Variants in ANKHD1 observed in about 807,000 individuals in gnomAD.
ANKHD1 encodes ankyrin repeat and KH domain containing 1.
A neutral mutation model predicts 230.5 loss-of-function variants in ANKHD1; 31 were observed. The ratio of observed to expected loss-of-function variants is 0.13; its 90% CI spans 0.10 to 0.18. The LOEUF (loss-of-function observed/expected upper bound fraction) is 0.18. Among genes scored for constraint, ANKHD1 ranks in the 10% least tolerant of loss-of-function variants. ANKHD1 has a pLI of 1.00. For synonymous variants in ANKHD1, 1,074 were observed against 1,117.6 expected (o/e 0.96, Z 0.78); for missense variants, 2,256 against 3,071.3 (o/e 0.73, Z 6.27).
chr5:140,441,129 C>G lies in ANKHD1; in HGVS notation c.900C>G (p.Ser300=). 1 of 1,594,490 alleles carries G rather than the reference C, an allele frequency of 6.3e-7. No individual in the cohort carries two copies. The highest frequency in any genetic ancestry group is 8.5e-7 in the Non-Finnish European group (1 of 1,172,016). Residue 300 remains serine, a synonymous_variant, in exon 5 of 34, where the codon TCC becomes TCG. Transcript: ENST00000360839. ...TTCTTCATGATGCTGATGTCAACTC[C>G]CAGTCTGCAACAGGTATGTAGAAAA... ...LLLLHDADVN[S]QSATGNTALT... is the part of the protein sequence containing the mutation.
chr5:140,502,360 CA>C (rs1360059986), intron 15 of ANKHD1, among the ~76,000 whole-genome samples: 1 of 152,118 alleles, frequency 6.6e-6, no homozygotes, highest in Non-Finnish European at 1.5e-5. Context: ...TAATGTAGTA[CA>C]AAAATGTTTA....
At position 140,458,945 on chromosome 5, in the gene ANKHD1, CATATAT is replaced by C. The variant is rs540544442; in HGVS notation, c.1480+112_1480+117del. 702 of 83,634 alleles carry C rather than the reference CATATAT, an allele frequency of 8.4e-3. 18 individuals are homozygous for C. The highest frequency in any genetic ancestry group is 0.036 in the African/African-American group (607 of 17,054). The allele number at this position is 83,634 out of a possible 1,614,324, so 5.2% of individuals were successfully genotyped here. A position where few individuals can be genotyped will look rare whatever the true frequency, so the allele number is the denominator to read the frequency against. On this transcript the variant is annotated intron_variant, in intron 8 of 33. Coordinates refer to ENST00000360839, the MANE Select transcript of ANKHD1 (RefSeq NM_017747.3). ...TACTGGTGAAGTTTACTACAGCTAG[CATATAT>C]ATATATATATATATATATATATATA...
chr5:140,463,595 C>T (rs1775874370), intron 9 of ANKHD1, among the ~76,000 whole-genome samples: 1 of 152,070 alleles, frequency 6.6e-6, no homozygotes, highest in Non-Finnish European at 1.5e-5. Context: ...CATTGGTCAC[C>T]TTCGAAGGAT....
intron 10 of ANKHD1, chr5:140,472,493 C>G: frequency 7.8e-7 from 1 of 1,285,282 alleles, no homozygotes; most frequent in Non-Finnish European, 9.9e-7. Flanking sequence ...TTTCCTTAGT[C>G]TTCTTTCTCA....
chr5:140,446,888 CTTTA>C (rs1774323570), intron 6 of ANKHD1, among the ~76,000 whole-genome samples: 1 of 151,784 alleles, frequency 6.6e-6, no homozygotes, highest in South Asian at 2.1e-4. Context: ...AATAAATATT[CTTTA>C]TTTTTTATTT....
intron 24 of ANKHD1, among the ~76,000 whole-genome samples, chr5:140,523,068 A>G (rs1245525592): frequency 7.9e-6 from 1 of 126,770 alleles, no homozygotes; most frequent in Non-Finnish European, 1.7e-5. Flanking sequence ...TTTAAAATGT[A>G]TAACTTGGTT....
At chr5:140,474,534 CA>C (rs1462080982) in intron 10 of ANKHD1, among the ~76,000 whole-genome samples, 1 of 149,076 alleles carries the variant, frequency 6.7e-6, no homozygotes, top group Non-Finnish European at 1.5e-5. Flanking sequence ...TATCTAAAGC[CA>C]AATAGAAAAA....
chr5:140,493,542 C>G (rs999259038), intron 14 of ANKHD1, among the ~76,000 whole-genome samples: 1 of 152,148 alleles, frequency 6.6e-6, no homozygotes, highest in African/African-American at 2.4e-5. Context: ...TTGTCTTAAT[C>G]TCTACCCAGA....
chr5:140,517,030 G>A (rs1435651392), intron 24 of ANKHD1, among the ~76,000 whole-genome samples: 3 of 150,406 alleles, frequency 2.0e-5, no homozygotes, highest in Non-Finnish European at 1.5e-5. Context: ...TCAGTGTGCT[G>A]TATTCAGGAA....
chr5:140,452,608 G>C (rs183613071), intron 7 of ANKHD1, among the ~76,000 whole-genome samples: 1 of 152,026 alleles, frequency 6.6e-6, no homozygotes, highest in Admixed American at 6.6e-5. Flanking sequence ...CCAGGCAAAC[G>C]GTCTAGAGTG....
At chr5:140,477,730 G>T in intron 10 of ANKHD1, among the ~76,000 whole-genome samples, 1 of 152,182 alleles carries the variant, frequency 6.6e-6, no homozygotes, top group Non-Finnish European at 1.5e-5. Flanking sequence ...TCCTGCCTCA[G>T]CCTCCCAAGT....
rs1422046204 is a variant in ANKHD1 at position 140,401,938 on chromosome 5, C to T, written c.-30C>T. On this transcript the variant is annotated 5_prime_UTR_variant, in exon 1 of 34. Coordinates refer to ENST00000360839, the MANE Select transcript of ANKHD1 (RefSeq NM_017747.3). ...GCGGCGGCGGTGACCGCGAGTGGGT[C>T]GGCACCGTCTCCGGCTCCGGGTGCG... 1.9e-6 allele frequency: 3 copies of T among 1,548,212 alleles called. No individual in the cohort carries two copies. Among genetic ancestry groups the T allele is most frequent in the Non-Finnish European group, 2.6e-6 (3 of 1,154,498 alleles).
At chr5:140,462,180 G>GT (rs1339805302) in intron 9 of ANKHD1, among the ~76,000 whole-genome samples, 1 of 148,452 alleles carries the variant, frequency 6.7e-6, no homozygotes, top group East Asian at 2.0e-4. Flanking sequence ...TTTTTTTTTT[G>GT]TTTTTTAATG....
intron 17 of ANKHD1, among the ~76,000 whole-genome samples, 191 bp from the exon 18 acceptor site, chr5:140,505,533 A>G (rs914578513): frequency 6.6e-6 from 1 of 152,190 alleles, no homozygotes; most frequent in African/African-American, 2.4e-5. Context: ...TTACCGACTT[A>G]GTTTTTTAAT....
chr5:140,472,720 T>C (rs1381906008), intron 10 of ANKHD1, among the ~76,000 whole-genome samples: 1 of 152,128 alleles, frequency 6.6e-6, no homozygotes, highest in Non-Finnish European at 1.5e-5. Context: ...AACAAAAAAA[T>C]TAGTTTAGCA....
At chr5:140,531,691 GT>G (rs1375699972) in intron 29 of ANKHD1, among the ~76,000 whole-genome samples, 2 of 152,242 alleles carry the variant, frequency 1.3e-5, no homozygotes, top group South Asian at 4.1e-4. Flanking sequence ...TGGAAAAACA[GT>G]TTCACAGTTC....
At chr5:140,419,407 G>T (rs1771681347) in intron 1 of ANKHD1, among the ~76,000 whole-genome samples, 1 of 147,544 alleles carries the variant, frequency 6.8e-6, no homozygotes, top group Admixed American at 6.7e-5. Flanking sequence ...TCCATGATTT[G>T]CAAATATTTT....
At chr5:140,423,936 G>T (rs970976774) in intron 1 of ANKHD1, among the ~76,000 whole-genome samples, 1 of 152,074 alleles carries the variant, frequency 6.6e-6, no homozygotes, top group Non-Finnish European at 1.5e-5. Context: ...TCTTCCATTA[G>T]CTCTCTCTCC....
chr5:140,533,246 G>A (rs958426667), intron 29 of ANKHD1, among the ~76,000 whole-genome samples: 6 of 152,064 alleles, frequency 3.9e-5, no homozygotes, highest in African/African-American at 7.2e-5. Flanking sequence ...CCAGGAGTTC[G>A]AGACCACCCT....
Sources: allele counts gnomAD v4.1 joint callset (sites outside exome capture counted in the v4.1 genomes callset), GRCh38; gene constraint gnomAD v4.1.1; transcripts MANE v1.5; gene names NCBI Gene and HGNC (gene_info 2026-07-23, HGNC 2026-07-21).